The following PCSK9 variants were observed in gnomAD, a reference collection of about 807,000 sequenced individuals.
PCSK9 encodes the protein proprotein convertase subtilisin/kexin type 9.
A neutral mutation model predicts 62.1 loss-of-function variants in PCSK9; 57 were observed. The observed-to-expected ratio is 0.92, with a 90% confidence interval of 0.74 to 1.14. The LOEUF (loss-of-function observed/expected upper bound fraction) is 1.14, where lower values mean the gene tolerates loss of function less well. Among genes scored for constraint, PCSK9 ranks in the 50% most tolerant of loss-of-function variants. The pLI is 0.00. For synonymous variants in PCSK9, 387 were observed against 409.4 expected, an observed-to-expected ratio of 0.95 and a Z score of 0.66; for missense variants, 870 against 959.8, an observed-to-expected ratio of 0.91 and a Z score of 1.24.
chr1:55,057,351 C>CAATG lies in PCSK9; in HGVS notation c.1018_1021dup (p.Ala341GlufsTer87), dbSNP rs1354750444. 1 of 1,613,964 alleles carries CAATG rather than the reference C, an allele frequency of 6.2e-7. No homozygotes were observed. The highest frequency in any genetic ancestry group is 1.3e-5 in the African/African-American group (1 of 75,068). On this transcript the variant is annotated frameshift_variant, in exon 7 of 12. Transcript: ENST00000302118. LOFTEE classifies it high-confidence loss of function. Reference sequence around the variant, plus strand: ...TCCAGGTCATCACAGTTGGGGCCACCAATGCCCAAGACCAGCCGGTGACCC... The same window carrying CAATG: ...TCCAGGTCATCACAGTTGGGGCCACCAATGAATGCCCAAGACCAGCCGGTGACCC...
intron 10 of PCSK9, among the ~76,000 whole-genome samples, chr1:55,060,295 A>T (rs1193354199): frequency 6.6e-6 from 1 of 152,184 alleles, no homozygotes; most frequent in African/African-American, 2.4e-5. Flanking sequence ...GCATCAAGGG[A>T]TGGTGCCCTG....
chr1:55,052,515 G>A, intron 4 of PCSK9, 104 bp downstream of exon 4: 1 of 1,550,734 alleles, frequency 6.4e-7, no homozygotes, highest in Non-Finnish European at 8.7e-7. Context: ...CTCCTGGGTT[G>A]CACCCCCCCC....
rs2100299786 is a variant in PCSK9 at position 55,052,795 on chromosome 1, AG to A, written c.799+5del. The A allele has an allele frequency of 6.2e-7, 1 of 1,613,004 alleles. No individual in the cohort carries two copies. On this transcript the variant is annotated splice_donor_5th_base_variant and intron_variant, in intron 5 of 11. Transcript: ENST00000302118. Reference sequence around the variant, plus strand: ...ACGGTTAGCGGCACCCTCATAGGTAAGTGATGGCCCCAGACGCTGGTCTCTC... The same window carrying A: ...ACGGTTAGCGGCACCCTCATAGGTAATGATGGCCCCAGACGCTGGTCTCTC...
chr1:55,063,859 T>C lies in PCSK9; in HGVS notation c.*275T>C. ...ACCATTCAAACAGGTCGAGCTGTGC[T>C]CGGGTGCTGCCAGCTGCTCCCAATG... On this transcript the variant is annotated 3_prime_UTR_variant, in exon 12 of 12. Coordinates refer to ENST00000302118, the MANE Select transcript of PCSK9 (RefSeq NM_174936.4). 1.9e-6 allele frequency: 1 copy of C among 527,422 alleles called. No individual in the cohort carries two copies. The highest frequency in any genetic ancestry group is 2.6e-5 in the South Asian group (1 of 38,152). The allele number at this position is 527,422 out of a possible 1,614,324, so 32.7% of individuals were successfully genotyped here.
intron 5 of PCSK9, among the ~76,000 whole-genome samples, chr1:55,054,442 A>G (rs1439561567): frequency 1.3e-5 from 2 of 152,050 alleles, no homozygotes; most frequent in East Asian, 1.9e-4. Context: ...TCACCTCCAC[A>G]CTCAGTGCCA....
At chr1:55,058,294 C>T (rs576302293) in intron 8 of PCSK9, 85 bp downstream of exon 8, 36 of 1,531,944 alleles carry the variant, frequency 2.3e-5, no homozygotes, top group Admixed American at 3.7e-5. Flanking sequence ...TCTCCCTTGT[C>T]TGTGTAAGGA....
At position 55,061,427 on chromosome 1, in the gene PCSK9, G is replaced by A; in HGVS notation, c.1734G>A (p.Val578=). 6.2e-7 allele frequency: 1 copy of A among 1,610,798 alleles called. No homozygotes were observed. The highest frequency in any genetic ancestry group is 8.5e-7 in the Non-Finnish European group (1 of 1,179,236). ...ACCTTGGCACCCACAAGCCGCCTGT[G>A]CTGAGGCCACGAGGTCAGCCCAACC... ...VEDLGTHKPP[V]LRPRGQPNQC... Residue 578 remains valine, a synonymous_variant, in exon 11 of 12, where the codon GTG becomes GTA. Coordinates refer to ENST00000302118, the MANE Select transcript of PCSK9 (RefSeq NM_174936.4).
Position 55,061,426 on chromosome 1 carries a change from T to A in PCSK9, c.1733T>A (p.Val578Glu), listed in dbSNP as rs765583923. The A allele has an allele frequency of 5.6e-6, 9 of 1,610,700 alleles. No homozygotes were observed. In the East Asian group the frequency reaches 2.0e-4, roughly 36 times the overall value. The change falls in exon 11 of 12, where the codon GTG becomes GAG. Residue 578 changes from valine to glutamate, a missense_variant. Val to Glu is a moderately radical substitution (Grantham distance 121). Transcript: ENST00000302118. ...VEDLGTHKPPVLRPRGQPNQC... is the reference protein window; with the variant it reads ...VEDLGTHKPPELRPRGQPNQC... ...GACCTTGGCACCCACAAGCCGCCTGTGCTGAGGCCACGAGGTCAGCCCAAC... is the reference window on the plus strand; with the variant it reads ...GACCTTGGCACCCACAAGCCGCCTGAGCTGAGGCCACGAGGTCAGCCCAAC...
intron 10 of PCSK9, among the ~76,000 whole-genome samples, chr1:55,060,219 G>A (rs182246133): frequency 2.0e-5 from 3 of 152,296 alleles, no homozygotes; most frequent in African/African-American, 4.8e-5. Context: ...AACTATTGAC[G>A]GGCTACCCTG....
At chr1:55,062,975 G>C (rs1169262214) in intron 11 of PCSK9, among the ~76,000 whole-genome samples, 1 of 152,082 alleles carries the variant, frequency 6.6e-6, no homozygotes, top group Non-Finnish European at 1.5e-5. Flanking sequence ...CTGCAGGCCT[G>C]GTGGGTGGAT....
In PCSK9 at chr1:55,046,599, A is replaced by G. The variant is rs757588904; in HGVS notation, c.476A>G (p.Glu159Gly). Residue 159 changes from glutamate (E) to glycine (G), a missense_variant, in exon 3 of 12, where the codon GAG becomes GGG. Glu to Gly is a moderately conservative substitution (Grantham distance 98). Coordinates refer to ENST00000302118, the MANE Select transcript of PCSK9 (RefSeq NM_174936.4). ...GCCCAGAGCATCCCGTGGAACCTGGAGCGGATTACCCCTCCACGGTACCGG... is the reference window on the plus strand; with the variant it reads ...GCCCAGAGCATCCCGTGGAACCTGGGGCGGATTACCCCTCCACGGTACCGG... Reference protein sequence around the residue: ...VFAQSIPWNLERITPPRYRAD... With the variant: ...VFAQSIPWNLGRITPPRYRAD... 4 of 1,613,992 alleles carry G rather than the reference A, an allele frequency of 2.5e-6. No individual in the cohort carries two copies. The highest frequency in any genetic ancestry group is 1.7e-5 in the Admixed American group (1 of 60,000).
intron 10 of PCSK9, among the ~76,000 whole-genome samples, chr1:55,060,327 G>T (rs906562439): frequency 6.6e-6 from 1 of 152,212 alleles, no homozygotes; most frequent in East Asian, 1.9e-4. Context: ...TTCTGGTTGG[G>T]TGGAGCATGA....
chr1:55,044,400 C>G (rs1644619287), intron 2 of PCSK9, among the ~76,000 whole-genome samples: 1 of 152,136 alleles, frequency 6.6e-6, no homozygotes, highest in African/African-American at 2.4e-5. Flanking sequence ...CTGGGATGTT[C>G]AGTGGAGCCT....
At position 55,059,376 on chromosome 1, in the gene PCSK9, C is replaced by G. The variant is rs1271616337; in HGVS notation, c.1504-110C>G. 2.9e-6 allele frequency: 4 copies of G among 1,382,002 alleles called. No homozygotes were observed. In the East Asian group the frequency reaches 7.5e-5, roughly 26 times the overall value. The allele number at this position is 1,382,002 out of a possible 1,614,324, so 85.6% of individuals were successfully genotyped here. ...TCCCCAGAAGGCTGGGTCTGGCTGG[C>G]CCCTGGCAGGGACACTGATGAGGGT... On this transcript the variant is annotated intron_variant, in intron 9 of 11. Transcript: ENST00000302118.
intron 5 of PCSK9, among the ~76,000 whole-genome samples, chr1:55,053,545 G>A (rs1409293621): frequency 2.0e-5 from 3 of 152,152 alleles, no homozygotes; most frequent in Non-Finnish European, 4.4e-5. Flanking sequence ...TGTCAGCTCT[G>A]GGCAGCAGCT....
In PCSK9 at chr1:55,043,526, G is replaced by A. The variant is rs528061974; in HGVS notation, c.208-317G>A. The stretch of plus-strand genomic sequence containing the variant: ...TGGGGGAGGGGGTGGCCTTTGGGCA[G>A]GGCCACCAGGAGCGACCAGGCCCGT... On this transcript the variant is annotated intron_variant, in intron 1 of 11. Transcript: ENST00000302118. 6.7e-4 allele frequency among the ~76,000 whole-genome samples: 102 copies of A among 152,326 alleles called. 2 individuals are homozygous for A. Among genetic ancestry groups the A allele is most frequent in the African/African-American group, 2.2e-3 (92 of 41,564 alleles).
intron 3 of PCSK9, among the ~76,000 whole-genome samples, chr1:55,047,266 A>C (rs1470860017): frequency 6.6e-6 from 1 of 152,196 alleles, no homozygotes; most frequent in East Asian, 1.9e-4. Flanking sequence ...GTGGCAATTC[A>C]GTCGGGGAAG....
chr1:55,049,595 G>A (rs1644659114), intron 3 of PCSK9, among the ~76,000 whole-genome samples: 1 of 152,202 alleles, frequency 6.6e-6, no homozygotes, highest in Non-Finnish European at 1.5e-5. Flanking sequence ...AAGATAGAGG[G>A]AGGCCTAGGA....
chr1:55,058,467 C>T (rs751572524), intron 8 of PCSK9, 32 bp from the exon 9 acceptor site: 1 of 1,612,242 alleles, frequency 6.2e-7, no homozygotes, highest in Non-Finnish European at 8.5e-7. Flanking sequence ...TCACTCCCAG[C>T]ACCCCCTCCT....
Sources: allele counts gnomAD v4.1 joint callset (sites outside exome capture counted in the v4.1 genomes callset), GRCh38; gene constraint gnomAD v4.1.1; transcripts MANE v1.5; gene names NCBI Gene and HGNC (gene_info 2026-07-23, HGNC 2026-07-21).